RBFOX1: variants seen among roughly 807,000 people sequenced by gnomAD.
RBFOX1 encodes RNA binding fox-1 homolog 1, also known as RNA binding protein fox-1 homolog 1.
RBFOX1 carries 8 observed loss-of-function variants against 57.7 expected under a neutral mutation model. The observed-to-expected ratio is 0.14, with a 90% CI of 0.08 to 0.25. The LOEUF (loss-of-function observed/expected upper bound fraction) is 0.25. Ranked by LOEUF, RBFOX1 falls within the 10% of genes least tolerant of loss-of-function variation. The pLI, the probability that RBFOX1 is intolerant of heterozygous loss-of-function variation, is 1.00. For synonymous variants in RBFOX1, 326 were observed against 222.4 expected, an observed-to-expected ratio of 1.47 and a Z score of -4.15; for missense variants, 611 against 548.5, an observed-to-expected ratio of 1.11 and a Z score of -1.14.
At chr16:6,644,814 T>A (rs1276660167) in intron 2 of RBFOX1, among the ~76,000 whole-genome samples, 2 of 152,178 alleles carry the variant, frequency 1.3e-5, no homozygotes, top group African/African-American at 4.8e-5. Context: ...CCCTAGAGCT[T>A]AGACTAAGCG....
intron 3 of RBFOX1, among the ~76,000 whole-genome samples, chr16:6,682,293 G>T (rs753857144): frequency 1.3e-5 from 2 of 152,122 alleles, no homozygotes; most frequent in Admixed American, 6.5e-5. Context: ...TGGAGGGATT[G>T]AGCTCTCAGG....
At chr16:7,039,972 A>G (rs370917969) in intron 3 of RBFOX1, among the ~76,000 whole-genome samples, 4 of 151,524 alleles carry the variant, frequency 2.6e-5, no homozygotes, top group African/African-American at 7.3e-5. Context: ...GCCACCCTAC[A>G]TTTACTCTTT....
At chr16:6,522,743 T>G (rs1287567249) in intron 2 of RBFOX1, among the ~76,000 whole-genome samples, 1 of 152,160 alleles carries the variant, frequency 6.6e-6, no homozygotes, top group Non-Finnish European at 1.5e-5. Flanking sequence ...CTGAATTGTG[T>G]CTTCTTCTGC....
At chr16:6,706,596 T>C (rs1055982642) in intron 3 of RBFOX1, among the ~76,000 whole-genome samples, 8 of 152,194 alleles carry the variant, frequency 5.3e-5, no homozygotes, top group East Asian at 1.9e-4. Context: ...ATTGCTCTAA[T>C]AGAGTTGTAC....
At chr16:7,079,334 C>A (rs1057478555) in intron 4 of RBFOX1, among the ~76,000 whole-genome samples, 3 of 152,040 alleles carry the variant, frequency 2.0e-5, no homozygotes, top group African/African-American at 7.2e-5. Context: ...AGTGCATGTT[C>A]CTAAAAGAAG....
chr16:6,335,660 C>T (rs1297068932), intron 2 of RBFOX1, among the ~76,000 whole-genome samples: 2 of 150,738 alleles, frequency 1.3e-5, no homozygotes, highest in Non-Finnish European at 3.0e-5. Context: ...CGCCTGTAAC[C>T]CCAGCTACTT....
chr16:7,689,388 C>T (rs1568472247), intron 14 of RBFOX1, among the ~76,000 whole-genome samples: 3 of 152,064 alleles, frequency 2.0e-5, no homozygotes, highest in Non-Finnish European at 4.4e-5. Context: ...AGCAAGGTTG[C>T]CCAAACTTCA....
chr16:6,802,611 A>G (rs994855742), intron 3 of RBFOX1, among the ~76,000 whole-genome samples: 1 of 152,150 alleles, frequency 6.6e-6, no homozygotes, highest in African/African-American at 2.4e-5. Flanking sequence ...TGGGTGGCCG[A>G]GATTGCAGTG....
chr16:5,516,828 C>T (rs932934618), intron 2 of RBFOX1, among the ~76,000 whole-genome samples: 5 of 152,092 alleles, frequency 3.3e-5, no homozygotes, highest in East Asian at 1.9e-4. Context: ...CTCCTGCTGC[C>T]CTATGAAGAG....
At chr16:6,543,675 A>C (rs550684488) in intron 2 of RBFOX1, among the ~76,000 whole-genome samples, 2 of 152,090 alleles carry the variant, frequency 1.3e-5, no homozygotes, top group African/African-American at 4.8e-5. Flanking sequence ...TTGGCAGGGG[A>C]GGAGAGAGGA....
At chr16:6,657,649 A>T (rs900193304) in intron 3 of RBFOX1, among the ~76,000 whole-genome samples, 1 of 152,108 alleles carries the variant, frequency 6.6e-6, no homozygotes, top group East Asian at 1.9e-4. Context: ...ATTTAACCCA[A>T]ATGCTTCTGG....
intron 3 of RBFOX1, among the ~76,000 whole-genome samples, chr16:5,639,002 CAGA>C (rs1018135078): frequency 2.0e-5 from 3 of 152,192 alleles, no homozygotes; most frequent in Non-Finnish European, 2.9e-5. Flanking sequence ...GATACTTTCT[CAGA>C]AGAAGTGGAC....
intron 3 of RBFOX1, among the ~76,000 whole-genome samples, chr16:5,790,863 T>C (rs1480997836): frequency 7.5e-6 from 1 of 132,596 alleles, no homozygotes; most frequent in Non-Finnish European, 1.6e-5. Context: ...GTCTTTATTT[T>C]TTTTTTTTTT....
Position 6,835,550 on chromosome 16 carries a change from G to C in RBFOX1, c.-16+180900G>C, listed in dbSNP as rs183593337. ...GAAGATCACTTGAGGCCAGGAGTTTGAGACCAGCCTGGTCAACATGGTAAA... is the reference window on the plus strand; with the variant it reads ...GAAGATCACTTGAGGCCAGGAGTTTCAGACCAGCCTGGTCAACATGGTAAA... On this transcript the variant is annotated intron_variant, in intron 3 of 15. Transcript: ENST00000550418. Among the ~76,000 whole-genome samples, 207 of 151,830 alleles carry C rather than the reference G, an allele frequency of 1.4e-3. 4 individuals are homozygous for C. Among genetic ancestry groups the C allele is most frequent in the Non-Finnish European group, 1.0e-4 (7 of 67,958 alleles).
intron 4 of RBFOX1, among the ~76,000 whole-genome samples, chr16:7,315,644 C>G (rs1246176352): frequency 1.5e-5 from 1 of 66,956 alleles, no homozygotes; most frequent in Non-Finnish European, 3.0e-5. Context: ...AAGTGGAGAA[C>G]AGAATATATA....
intron 3 of RBFOX1, among the ~76,000 whole-genome samples, chr16:5,780,077 C>A (rs758584040): frequency 6.6e-6 from 1 of 152,204 alleles, no homozygotes. Context: ...AATCTCGGCT[C>A]ACTGAACCTC....
intron 3 of RBFOX1, among the ~76,000 whole-genome samples, chr16:5,691,199 A>G (rs1357111613): frequency 2.6e-5 from 4 of 152,184 alleles, no homozygotes; most frequent in Admixed American, 6.5e-5. Flanking sequence ...TCTGTTTTGC[A>G]TAATTTCCAT....
chr16:5,757,635 G>A (rs556093936), intron 3 of RBFOX1, among the ~76,000 whole-genome samples: 5 of 152,136 alleles, frequency 3.3e-5, no homozygotes, highest in South Asian at 2.1e-4. Flanking sequence ...TGGTGTAGAC[G>A]TGACCCAGGA....
chr16:7,435,835 A>T (rs1436903103), intron 4 of RBFOX1, among the ~76,000 whole-genome samples: 1 of 152,200 alleles, frequency 6.6e-6, no homozygotes, highest in African/African-American at 2.4e-5. Context: ...TCCTCCATGC[A>T]CTAAGTTGTG....
Sources: gnomAD v4.1 joint callset for allele counts (sites outside exome capture counted in the v4.1 genomes callset) on GRCh38, gnomAD v4.1.1 for gene constraint, MANE v1.5 for transcripts, NCBI Gene and HGNC (gene_info 2026-07-23, HGNC 2026-07-21) for gene names.